Variants in CAPN1 observed in about 807,000 individuals in gnomAD.
The protein encoded by CAPN1 is calpain-1 catalytic subunit.
Under a neutral mutation model 105.2 loss-of-function variants are expected in CAPN1, and 77 were observed. That is an observed-to-expected ratio of 0.73 (90% CI 0.61 to 0.88). The LOEUF is 0.88. Among genes scored for constraint, CAPN1 ranks in the 40% least tolerant of loss-of-function variants. The pLI, the probability that CAPN1 is intolerant of heterozygous loss-of-function variation, is 0.00. For synonymous variants in CAPN1, 355 were observed against 388.8 expected, an observed-to-expected ratio of 0.91 and a Z score of 1.02; for missense variants, 833 against 976.6, an observed-to-expected ratio of 0.85 and a Z score of 1.96.
chr11:65,195,995 T>G (rs1339279652), intron 10 of CAPN1, among the ~76,000 whole-genome samples: 1 of 152,084 alleles, frequency 6.6e-6, no homozygotes, highest in Non-Finnish European at 1.5e-5. Context: ...TTTGTCTATA[T>G]TATCTAATTT....
chr11:65,185,992 G>A lies in CAPN1; in HGVS notation c.532G>A (p.Val178Met), dbSNP rs372952178. 66 of 1,607,272 alleles carry A rather than the reference G, an allele frequency of 4.1e-5. No homozygotes were observed. The highest frequency in any genetic ancestry group is 5.3e-5 in the Non-Finnish European group (62 of 1,176,986). The change falls in exon 5 of 22, where the codon GTG becomes ATG. Residue 178 changes from valine to methionine, a missense_variant. Transcript: ENST00000279247. ...LPIKDGKLVF[V>M]HSAEGNEFWS... is the part of the protein sequence containing the mutation. ...CATCAAGGACGGGAAGCTAGTGTTC[G>A]TGCACTCTGCCGAAGGCAACGAGTT...
chr11:65,183,526 C>T lies in CAPN1; in HGVS notation c.390C>T (p.Leu130=). 1.9e-6 allele frequency: 3 copies of T among 1,613,962 alleles called. No individual in the cohort carries two copies. The highest frequency in any genetic ancestry group is 2.2e-5 in the East Asian group (1 of 44,882). Residue 130 remains leucine, a synonymous_variant, in exon 4 of 22, where the codon CTC becomes CTT. Transcript: ENST00000279247. ...AIASLTLNDT[L]LHRVVPHGQS... ...CCTCCCTCACTCTCAACGACACCCT[C>T]CTGCACCGAGTGGTTCCGCACGGCC... is the stretch of plus-strand genomic sequence containing the variant.
upstream of CAPN1, chr11:65,181,689 G>C (rs1372297348): frequency 2.1e-4 from 59 of 281,428 alleles, no homozygotes; most frequent in Non-Finnish European, 3.9e-4. The surrounding 1 kb of genome is among the most constrained non-coding windows in gnomAD (Gnocchi z 4.6). Flanking sequence ...CCCCCCCCGC[G>C]CTGGCCCCTC....
At chr11:65,205,746 T>C in intron 12 of CAPN1, 25 bp downstream of exon 12, 1 of 1,611,050 alleles carries the variant, frequency 6.2e-7, no homozygotes, top group Non-Finnish European at 8.5e-7. Flanking sequence ...ATGACCCACC[T>C]GCAGTCACAC....
At chr11:65,199,561 G>A (rs1170901317) in intron 10 of CAPN1, among the ~76,000 whole-genome samples, 5 of 151,984 alleles carry the variant, frequency 3.3e-5, no homozygotes, top group Admixed American at 2.0e-4. Flanking sequence ...ATCTAAACTG[G>A]ACCTTCTCAC....
chr11:65,181,407 C>G, upstream of CAPN1: 1 of 245,680 alleles, frequency 4.1e-6, no homozygotes, highest in South Asian at 3.3e-5. The surrounding 1 kb of genome is among the most constrained non-coding windows in gnomAD (Gnocchi z 4.6). Context: ...TGCCGCAGCC[C>G]GAGGTAATCT....
At chr11:65,202,014 TG>T (rs1948879034) in intron 10 of CAPN1, among the ~76,000 whole-genome samples, 1 of 150,750 alleles carries the variant, frequency 6.6e-6, no homozygotes, top group Non-Finnish European at 1.5e-5. Context: ...CAGTAGAGAA[TG>T]GGTTTTACCA....
At chr11:65,193,966 T>C (rs1948756882) in intron 10 of CAPN1, among the ~76,000 whole-genome samples, 1 of 81,220 alleles carries the variant, frequency 1.2e-5, no homozygotes, top group African/African-American at 3.5e-5. Context: ...GGATTGATTT[T>C]TTTTTTTTTT....
Position 65,185,966 on chromosome 11 carries a change from C to T in CAPN1, c.506C>T (p.Pro169Leu), listed in dbSNP as rs1382148378. The T allele has an allele frequency of 3.8e-6, 6 of 1,599,250 alleles. No individual in the cohort carries two copies. In the Admixed American group the frequency reaches 1.0e-4, roughly 28 times the overall value. The change falls in exon 5 of 22, where the codon CCC (proline) becomes CTC (leucine). Residue 169 changes from proline to leucine, a missense_variant. Physicochemically the swap from Pro to Leu is moderately conservative, Grantham distance 98. Coordinates refer to ENST00000279247, the MANE Select transcript of CAPN1 (RefSeq NM_005186.4). ...GACGTGGTCGTGGATGACCTGCTGCCCATCAAGGACGGGAAGCTAGTGTTC... is the reference window on the plus strand; with the variant it reads ...GACGTGGTCGTGGATGACCTGCTGCTCATCAAGGACGGGAAGCTAGTGTTC... ...WVDVVVDDLL[P>L]IKDGKLVFVH... is the part of the protein sequence containing the mutation.
chr11:65,194,491 TA>T (rs1948764343), intron 10 of CAPN1, among the ~76,000 whole-genome samples: 1 of 152,232 alleles, frequency 6.6e-6, no homozygotes, highest in Non-Finnish European at 1.5e-5. Context: ...TAGTGGTTTT[TA>T]GTGTACCCAC....
chr11:65,200,579 G>GT (rs1301967860), intron 10 of CAPN1, among the ~76,000 whole-genome samples: 2 of 151,974 alleles, frequency 1.3e-5, no homozygotes, highest in East Asian at 3.9e-4. Flanking sequence ...TCCTGACCTC[G>GT]TGATCCACCC....
Position 65,211,380 on chromosome 11 carries a change from A to G in CAPN1, c.*94A>G. Reference sequence around the variant, plus strand: ...ACCACACCAGGCCACCCCAGCTGCAAGTGCCTTCCTTGGAGCAGAGAGGCA... The same window carrying G: ...ACCACACCAGGCCACCCCAGCTGCAGGTGCCTTCCTTGGAGCAGAGAGGCA... On this transcript the variant is annotated 3_prime_UTR_variant, in exon 22 of 22. Coordinates refer to ENST00000279247, the MANE Select transcript of CAPN1 (RefSeq NM_005186.4). 1 of 1,268,462 alleles carries G rather than the reference A, an allele frequency of 7.9e-7. No homozygotes were observed. The highest frequency in any genetic ancestry group is 1.1e-6 in the Non-Finnish European group (1 of 885,918). 78.6% of individuals were successfully genotyped at this position (1,268,462 alleles called of 1,614,324 possible).
chr11:65,211,056 A>G, intron 21 of CAPN1, 184 bp downstream of exon 21: 2 of 739,672 alleles, frequency 2.7e-6, no homozygotes, highest in Non-Finnish European at 4.6e-6. Context: ...AAGGAGCAGG[A>G]GGGGAGGTCC....
At chr11:65,205,743 A>C (rs1423517367) in intron 12 of CAPN1, 22 bp downstream of exon 12, 1 of 1,611,478 alleles carries the variant, frequency 6.2e-7, no homozygotes, top group Admixed American at 1.7e-5. Context: ...ACCATGACCC[A>C]CCTGCAGTCA....
chr11:65,183,416 G>GC (rs1341208201), intron 3 of CAPN1, 58 bp from the exon 4 acceptor site: 2 of 1,368,364 alleles, frequency 1.5e-6, no homozygotes, highest in African/African-American at 1.4e-5. Flanking sequence ...CCTAGCACCC[G>GC]CTTCCCCCCC....
rs752934003 is a variant in CAPN1 at position 65,182,885 on chromosome 11, C to T, written c.184C>T (p.Pro62Ser). Residue 62 changes from proline (P) to serine (S), a missense_variant, in exon 2 of 22, where the codon CCC becomes TCC. Coordinates refer to ENST00000279247, the MANE Select transcript of CAPN1 (RefSeq NM_005186.4). ...GACCCTCTTCCGTGATGAGGCCTTC[C>T]CCCCGGTACCCCAGAGCCTGGGTTA... The part of the protein sequence containing the change: ...SGTLFRDEAF[P>S]PVPQSLGYKD... 27 of 1,605,246 alleles carry T rather than the reference C, an allele frequency of 1.7e-5. No homozygotes were observed. The highest frequency in any genetic ancestry group is 2.2e-5 in the Non-Finnish European group (26 of 1,176,162).
chr11:65,199,899 C>T (rs1182073393), intron 10 of CAPN1, among the ~76,000 whole-genome samples: 1 of 152,170 alleles, frequency 6.6e-6, no homozygotes, highest in East Asian at 1.9e-4. Context: ...TTTTTGTCCA[C>T]TGTGGCTGCT....
Position 65,182,707 on chromosome 11 carries a change from G to T in CAPN1, c.6G>T (p.Ser2=). 2 of 1,563,974 alleles carry T rather than the reference G, an allele frequency of 1.3e-6. No homozygotes were observed. The highest frequency in any genetic ancestry group is 1.7e-6 in the Non-Finnish European group (2 of 1,154,290). M[S]EEIITPVYCT... ...AGGCCCATCTGTCCGGCAGGATGTCGGAGGAGATCATCACGCCGGTGTACT... is the reference window on the plus strand; with the variant it reads ...AGGCCCATCTGTCCGGCAGGATGTCTGAGGAGATCATCACGCCGGTGTACT... Residue 2 remains serine, a synonymous_variant, in exon 2 of 22, where the codon TCG becomes TCT. Coordinates refer to ENST00000279247, the MANE Select transcript of CAPN1 (RefSeq NM_005186.4).
At chr11:65,185,857 G>A (rs1257274209) in intron 4 of CAPN1, 60 bp from the exon 5 acceptor site, 5 of 1,529,970 alleles carry the variant, frequency 3.3e-6, no homozygotes, top group Non-Finnish European at 4.4e-6. Context: ...GTAGGGGTAA[G>A]GATGGAGCTC....
Sources: gnomAD v4.1 joint callset for allele counts (sites outside exome capture counted in the v4.1 genomes callset) on GRCh38, gnomAD v4.1.1 for gene constraint, Gnocchi (gnomAD v3.1) non-coding constraint, MANE v1.5 for transcripts, NCBI Gene and HGNC (gene_info 2026-07-23, HGNC 2026-07-21) for gene names.